MYT1L: variants seen among roughly 807,000 people sequenced by gnomAD.
MYT1L encodes the protein myelin transcription factor 1-like protein.
In MYT1L, 12 loss-of-function variants were observed where a neutral mutation model predicts 126.7. The observed-to-expected ratio is 0.09, with a 90% CI of 0.06 to 0.15. The LOEUF is 0.15. Ranked by LOEUF, MYT1L falls within the 10% of genes least tolerant of loss-of-function variation. The probability of loss-of-function intolerance (pLI) is 1.00; values close to 1 mark genes in which losing one functional copy is unlikely to be tolerated. For missense variants in MYT1L, 979 were observed against 1,585.2 expected (o/e 0.62, Z 6.49); for synonymous variants, 541 against 604.2 (o/e 0.90, Z 1.53).
intron 2 of MYT1L, among the ~76,000 whole-genome samples, chr2:2,265,973 G>T (rs1209159942): frequency 6.6e-6 from 1 of 152,126 alleles, no homozygotes; most frequent in Non-Finnish European, 1.5e-5. Flanking sequence ...AGGTGGCTTA[G>T]CCTCCCATAG....
intron 3 of MYT1L, among the ~76,000 whole-genome samples, chr2:2,096,562 G>A (rs1558996890): frequency 6.6e-6 from 1 of 152,154 alleles, no homozygotes; most frequent in African/African-American, 2.4e-5. Context: ...TTTAAATAGT[G>A]CCATCTAAAA....
intron 3 of MYT1L, among the ~76,000 whole-genome samples, chr2:2,060,751 G>A (rs2070329984): frequency 8.5e-6 from 1 of 117,006 alleles, no homozygotes; most frequent in South Asian, 2.9e-4. Context: ...TCCCATCTTT[G>A]CCCACTTCCT....
At chr2:1,905,857 G>C (rs1043199923) in intron 13 of MYT1L, among the ~76,000 whole-genome samples, 17 of 152,106 alleles carry the variant, frequency 1.1e-4, no homozygotes, top group African/African-American at 3.6e-4. Flanking sequence ...GTTCTCCCTG[G>C]GGATGGAAAT....
chr2:2,144,996 TG>T (rs1229409185), intron 3 of MYT1L, among the ~76,000 whole-genome samples: 4 of 152,252 alleles, frequency 2.6e-5, no homozygotes, highest in Non-Finnish European at 5.9e-5. Flanking sequence ...AAAATATCTC[TG>T]ATCATGAAGA....
chr2:1,792,708 A>G (rs1379808109), intron 23 of MYT1L, among the ~76,000 whole-genome samples: 1 of 152,076 alleles, frequency 6.6e-6, no homozygotes, highest in Non-Finnish European at 1.5e-5. Context: ...TGTCTCTACT[A>G]AAAATACAAA....
intron 2 of MYT1L, among the ~76,000 whole-genome samples, chr2:2,226,704 G>T (rs2094019534): frequency 6.6e-6 from 1 of 152,046 alleles, no homozygotes; most frequent in Non-Finnish European, 1.5e-5. Context: ...TGCGTTCTCG[G>T]ACCTGCCCTG....
At chr2:1,839,463 A>G in intron 20 of MYT1L, 93 bp from the exon 21 acceptor site, 3 of 1,182,134 alleles carry the variant, frequency 2.5e-6, no homozygotes, top group South Asian at 1.5e-5. Flanking sequence ...CATGAAGAAG[A>G]AAAAAACAAC....
At chr2:2,254,133 A>G (rs2094741061) in intron 2 of MYT1L, among the ~76,000 whole-genome samples, 1 of 152,324 alleles carries the variant, frequency 6.6e-6, no homozygotes, top group Admixed American at 6.5e-5. Context: ...CCCAAAGAGT[A>G]TATGGTACCT....
chr2:2,029,421 G>C (rs540320062), intron 4 of MYT1L, among the ~76,000 whole-genome samples: 1 of 152,226 alleles, frequency 6.6e-6, no homozygotes, highest in Admixed American at 6.5e-5. Flanking sequence ...GCAGGCAAGA[G>C]AGCTTGTGCA....
chr2:2,099,093 G>A (rs1210709177), intron 3 of MYT1L, among the ~76,000 whole-genome samples: 2 of 152,190 alleles, frequency 1.3e-5, no homozygotes, highest in African/African-American at 4.8e-5. Flanking sequence ...TTGCAGATCA[G>A]CCCTGCCTGC....
chr2:1,969,929 T>C (rs575677535), intron 8 of MYT1L, among the ~76,000 whole-genome samples: 13 of 152,236 alleles, frequency 8.5e-5, no homozygotes, highest in African/African-American at 2.9e-4. Context: ...CAGTTTGAGG[T>C]GGGTTTCCAG....
intron 2 of MYT1L, among the ~76,000 whole-genome samples, chr2:2,244,101 C>T (rs2094487401): frequency 6.6e-6 from 1 of 152,220 alleles, no homozygotes; most frequent in South Asian, 2.1e-4. Flanking sequence ...TGCATGTTCA[C>T]TCCCATAGGA....
chr2:2,149,272 A>C (rs1258372795), intron 3 of MYT1L, among the ~76,000 whole-genome samples: 1 of 152,234 alleles, frequency 6.6e-6, no homozygotes, highest in East Asian at 1.9e-4. Flanking sequence ...GTGTCTTTAA[A>C]ACCAGCGGAA....
chr2:2,298,135 T>C (rs2095725520), intron 1 of MYT1L, among the ~76,000 whole-genome samples: 1 of 151,774 alleles, frequency 6.6e-6, no homozygotes, highest in Non-Finnish European at 1.5e-5. Flanking sequence ...CTGGCTTTTA[T>C]TTTTGGGCTG....
chr2:1,797,661 T>C (rs1295250205), intron 23 of MYT1L, among the ~76,000 whole-genome samples: 1 of 152,242 alleles, frequency 6.6e-6, no homozygotes, highest in Non-Finnish European at 1.5e-5. Context: ...CAAATAGCAT[T>C]TAAACACATT....
At chr2:2,011,234 C>CA (rs1387840739) in intron 4 of MYT1L, among the ~76,000 whole-genome samples, 1 of 151,652 alleles carries the variant, frequency 6.6e-6, no homozygotes, top group East Asian at 1.9e-4. Context: ...AGTAAAAATA[C>CA]AAAAAAATTA....
chr2:2,217,545 T>C (rs1433160331), intron 2 of MYT1L, among the ~76,000 whole-genome samples: 3 of 151,764 alleles, frequency 2.0e-5, no homozygotes, highest in Non-Finnish European at 4.4e-5. Flanking sequence ...TAGCCAGGCA[T>C]GCTGGCAGCC....
intron 18 of MYT1L, among the ~76,000 whole-genome samples, chr2:1,863,610 C>T (rs558558454): frequency 8.6e-5 from 13 of 151,668 alleles, no homozygotes; most frequent in East Asian, 1.9e-4. Context: ...GCCCAAACCC[C>T]GGAAGGATAG....
chr2:1,981,759 G>C (rs1219166177), intron 5 of MYT1L, among the ~76,000 whole-genome samples: 2 of 152,200 alleles, frequency 1.3e-5, no homozygotes, highest in Non-Finnish European at 2.9e-5. Context: ...GGGCATGGAG[G>C]GGGCAGGCAG....
Sources: gnomAD v4.1 joint callset for allele counts (sites outside exome capture counted in the v4.1 genomes callset) on GRCh38, gnomAD v4.1.1 for gene constraint, MANE v1.5 for transcripts, NCBI Gene and HGNC (gene_info 2026-07-23, HGNC 2026-07-21) for gene names.